The following NAV3 variants were observed in gnomAD, a reference collection of about 807,000 sequenced individuals.
NAV3 encodes pore membrane and/or filament interacting like protein 1.
In NAV3, 87 loss-of-function variants were observed where a neutral mutation model predicts 244.7. The ratio of observed to expected loss-of-function variants is 0.36; its 90% CI spans 0.30 to 0.42. NAV3 has a LOEUF of 0.42. Among genes scored for constraint, NAV3 ranks in the 20% least tolerant of loss-of-function variants. The pLI, the probability that NAV3 is intolerant of heterozygous loss-of-function variation, is 1.00. For missense variants in NAV3, 2,663 were observed against 2,893.3 expected (o/e 0.92, Z 1.83); for synonymous variants, 1,126 against 1,042.2 (o/e 1.08, Z -1.55).
intron 3 of NAV3, among the ~76,000 whole-genome samples, chr12:77,962,772 A>G (rs1305753548): frequency 6.6e-6 from 1 of 152,166 alleles, no homozygotes; most frequent in East Asian, 1.9e-4. Context: ...ATCTAAATAG[A>G]TTAAACAGAA....
In NAV3 at chr12:78,137,244, A is replaced by T. The variant is rs1262000880; in HGVS notation, c.4509A>T (p.Pro1503=). The change falls in exon 19 of 40, where the codon CCA becomes CCT. Residue 1503 remains proline, a synonymous_variant. Transcript: ENST00000397909. ...GCATGATGCGCTCAAACAGCATCCC[A>T]GCCCAAGACTCTTCCTTCGATCTCT... ...GPSMMRSNSI[P]AQDSSFDLYD... 3 of 1,613,668 alleles carry T rather than the reference A, an allele frequency of 1.9e-6. No homozygotes were observed. The highest frequency in any genetic ancestry group is 1.7e-6 in the Non-Finnish European group (2 of 1,179,708).
intron 2 of NAV3, among the ~76,000 whole-genome samples, chr12:77,633,096 T>C (rs1228925770): frequency 6.6e-6 from 1 of 152,134 alleles, no homozygotes; most frequent in Admixed American, 6.5e-5. Flanking sequence ...TAATGATTTT[T>C]AGATAATATG....
chr12:77,600,584 C>T (rs1210667986), intron 2 of NAV3, among the ~76,000 whole-genome samples: 1 of 151,996 alleles, frequency 6.6e-6, no homozygotes, highest in African/African-American at 2.4e-5. Flanking sequence ...CAGAAACACA[C>T]TTGGCAAGTG....
chr12:77,796,302 T>A (rs1871404564), intron 2 of NAV3, among the ~76,000 whole-genome samples: 1 of 152,108 alleles, frequency 6.6e-6, no homozygotes. Flanking sequence ...GCAGAGTAAA[T>A]AACTGCAGTT....
At chr12:77,789,427 G>T (rs958172750) in intron 2 of NAV3, among the ~76,000 whole-genome samples, 1 of 151,966 alleles carries the variant, frequency 6.6e-6, no homozygotes, top group African/African-American at 2.4e-5. Context: ...TAGGACAGGG[G>T]TGTCCAATTT....
intron 25 of NAV3, among the ~76,000 whole-genome samples, chr12:78,176,128 AGT>A: frequency 6.6e-6 from 1 of 152,138 alleles, no homozygotes; most frequent in Non-Finnish European, 1.5e-5. Flanking sequence ...TAAGTTTGCT[AGT>A]GATATAATTT....
At chr12:78,113,165 A>T (rs1434137228) in intron 12 of NAV3, among the ~76,000 whole-genome samples, 1 of 152,090 alleles carries the variant, frequency 6.6e-6, no homozygotes, top group Non-Finnish European at 1.5e-5. Flanking sequence ...GTACAGCCCC[A>T]CTCCAGGCTG....
intron 2 of NAV3, among the ~76,000 whole-genome samples, chr12:77,821,023 T>C (rs1035617021): frequency 2.6e-5 from 4 of 152,074 alleles, no homozygotes; most frequent in African/African-American, 9.6e-5. Flanking sequence ...TCAATATTCC[T>C]CTCTCTCTTT....
At chr12:77,586,890 A>G (rs1869640568) in intron 2 of NAV3, among the ~76,000 whole-genome samples, 1 of 152,188 alleles carries the variant, frequency 6.6e-6, no homozygotes, top group South Asian at 2.1e-4. Context: ...TGAGAATACA[A>G]TGTAGAATGG....
intron 18 of NAV3, among the ~76,000 whole-genome samples, chr12:78,129,988 A>T (rs1009719849): frequency 2.0e-5 from 3 of 152,194 alleles, no homozygotes; most frequent in Non-Finnish European, 4.4e-5. Context: ...CTTCTCTTAG[A>T]TTTTTGAAGA....
At position 77,678,838 on chromosome 12, in the gene NAV3, A is replaced by T. The variant is rs192036018; in HGVS notation, c.72+106572A>T. Among the ~76,000 whole-genome samples the T allele has an allele frequency of 6.3e-3, 961 of 152,218 alleles. 11 individuals carry two copies. Among genetic ancestry groups the T allele is most frequent in the Non-Finnish European group, 8.4e-3 (574 of 68,016 alleles). On this transcript the variant is annotated intron_variant, in intron 2 of 8. Transcript: ENST00000550042. ...TAATCCCAGAGCGATCAGAAGGAAG[A>T]CAGAAGGACAGAGAGGAAAGAGAGG...
intron 1 of NAV3, among the ~76,000 whole-genome samples, chr12:77,922,952 A>T (rs939841688): frequency 1.3e-5 from 2 of 152,080 alleles, no homozygotes; most frequent in Non-Finnish European, 2.9e-5. Context: ...GTATTTTTAT[A>T]CGTACATCTT....
intron 20 of NAV3, among the ~76,000 whole-genome samples, chr12:78,146,036 T>C (rs1205383664): frequency 1.3e-5 from 2 of 152,084 alleles, no homozygotes; most frequent in African/African-American, 4.8e-5. Context: ...GCACCCATCT[T>C]TTTTAGAGTA....
intron 5 of NAV3, among the ~76,000 whole-genome samples, chr12:77,992,568 C>T (rs556181043): frequency 4.6e-5 from 7 of 152,022 alleles, no homozygotes; most frequent in African/African-American, 9.7e-5. Flanking sequence ...TTGAAGCTCA[C>T]GTAAATGGAC....
intron 2 of NAV3, among the ~76,000 whole-genome samples, chr12:77,642,779 A>G (rs181111802): frequency 2.3e-3 from 355 of 152,238 alleles, no homozygotes; most frequent in Non-Finnish European, 3.9e-3. Flanking sequence ...AAGTGAAAAA[A>G]AGTCTTTGGT....
At chr12:78,113,026 T>C (rs1358585298) in intron 12 of NAV3, among the ~76,000 whole-genome samples, 6 of 152,226 alleles carry the variant, frequency 3.9e-5, no homozygotes, top group East Asian at 1.9e-4. Context: ...CAAAATCCAA[T>C]AGGGCCATTG....
intron 12 of NAV3, among the ~76,000 whole-genome samples, chr12:78,102,676 A>G (rs1954595435): frequency 6.6e-6 from 1 of 152,228 alleles, no homozygotes; most frequent in African/African-American, 2.4e-5. Context: ...CTGGGCATCC[A>G]GGCATTTCCA....
intron 12 of NAV3, among the ~76,000 whole-genome samples, chr12:78,060,549 G>A (rs377669344): frequency 5.9e-5 from 9 of 152,192 alleles, no homozygotes; most frequent in Non-Finnish European, 1.3e-4. Context: ...TATTCTTTAC[G>A]TGTTGAGTTT....
intron 39 of NAV3, among the ~76,000 whole-genome samples, chr12:78,208,899 C>T (rs1244873030): frequency 1.3e-5 from 2 of 151,742 alleles, no homozygotes; most frequent in Admixed American, 6.6e-5. Context: ...TAATGAGTGA[C>T]AGATAGATAA....
Sources: gnomAD v4.1 joint callset for allele counts (sites outside exome capture counted in the v4.1 genomes callset) on GRCh38, gnomAD v4.1.1 for gene constraint, MANE v1.5 for transcripts, NCBI Gene and HGNC (gene_info 2026-07-23, HGNC 2026-07-21) for gene names.